The following LRRC7 variants were observed in gnomAD, a reference collection of about 807,000 sequenced individuals.
LRRC7 encodes the protein leucine rich repeat containing 7, also known as leucine-rich repeat-containing protein 7.
In LRRC7, 23 loss-of-function variants were observed where a neutral mutation model predicts 175.7. The ratio of observed to expected loss-of-function variants is 0.13; its 90% CI spans 0.09 to 0.19. LRRC7 has a LOEUF of 0.19. Ranked by LOEUF, LRRC7 falls within the 10% of genes least tolerant of loss-of-function variation. LRRC7 has a pLI of 1.00. For missense variants in LRRC7, 1,354 were observed against 1,904.7 expected, an observed-to-expected ratio of 0.71 and a Z score of 5.38; for synonymous variants, 685 against 680.9, an observed-to-expected ratio of 1.01 and a Z score of -0.09.
chr1:70,074,457 TA>T (rs1662627801), intron 23 of LRRC7, among the ~76,000 whole-genome samples: 1 of 152,192 alleles, frequency 6.6e-6, no homozygotes, highest in Non-Finnish European at 1.5e-5. Context: ...ATAGATACAA[TA>T]GAGAAATACA....
chr1:69,584,903 T>C lies in LRRC7; in HGVS notation c.2+16262T>C, dbSNP rs936144829. Among the ~76,000 whole-genome samples the C allele has an allele frequency of 1.4e-4, 21 of 152,136 alleles. 1 individual carries two copies. The highest frequency in any genetic ancestry group is 7.4e-5 in the Non-Finnish European group (5 of 68,014). On this transcript the variant is annotated intron_variant, in intron 1 of 26. Coordinates refer to ENST00000651989, the MANE Select transcript of LRRC7 (RefSeq NM_001370785.2). Reference sequence around the variant, plus strand: ...GGCCCTTTGCCTGTGTTGTTCTCATTAACTTCTCTTTTTACCTGGTTAACT... The same window carrying C: ...GGCCCTTTGCCTGTGTTGTTCTCATCAACTTCTCTTTTTACCTGGTTAACT...
chr1:69,766,507 T>A (rs567276916), intron 3 of LRRC7, among the ~76,000 whole-genome samples: 1 of 152,166 alleles, frequency 6.6e-6, no homozygotes, highest in East Asian at 1.9e-4. Flanking sequence ...TCAGAGTGGA[T>A]ACAACATTAG....
intron 8 of LRRC7, among the ~76,000 whole-genome samples, chr1:69,976,052 T>C (rs1424997523): frequency 1.3e-5 from 2 of 152,198 alleles, no homozygotes; most frequent in Non-Finnish European, 2.9e-5. Context: ...ATTCTACCTG[T>C]ATTGTGTCTA....
chr1:69,877,322 G>A lies in LRRC7; in HGVS notation c.647+39039G>A, dbSNP rs371335139. ...GCCACTCTGGGCCAAGTGTAGTGGT[G>A]TACACCTATAATCCCATTGCTTTGA... On this transcript the variant is annotated intron_variant, in intron 7 of 26. Coordinates refer to ENST00000651989, the MANE Select transcript of LRRC7 (RefSeq NM_001370785.2). Among the ~76,000 whole-genome samples the A allele has an allele frequency of 2.0e-5, 3 of 152,104 alleles. No individual in the cohort carries two copies. In the East Asian group the frequency reaches 5.8e-4, roughly 29 times the overall value.
At chr1:69,740,735 C>G (rs936070584) in intron 2 of LRRC7, among the ~76,000 whole-genome samples, 5 of 152,060 alleles carry the variant, frequency 3.3e-5, no homozygotes, top group African/African-American at 1.2e-4. Context: ...TACATCTCCA[C>G]TTGTTACAGT....
chr1:70,143,386 G>A lies in LRRC7; in HGVS notation c.*21499G>A, dbSNP rs540699328. The A allele has an allele frequency of 7.9e-5, 12 of 152,166 alleles. No individual in the cohort carries two copies. The highest frequency in any genetic ancestry group is 2.4e-4 in the African/African-American group (10 of 41,534). 9.4% of individuals were successfully genotyped at this position (152,166 alleles called of 1,614,324 possible). A position where few individuals can be genotyped will look rare whatever the true frequency, so the allele number is the denominator to read the frequency against. ...TTACAATATTCGACTGGTAAAGAAA[G>A]TGCTTCTTTATGACTTCTTTTGCAG... On this transcript the variant is annotated 3_prime_UTR_variant, in exon 27 of 27. Coordinates refer to ENST00000651989, the MANE Select transcript of LRRC7 (RefSeq NM_001370785.2).
chr1:70,028,570 C>T (rs1658373077), intron 18 of LRRC7, among the ~76,000 whole-genome samples, 199 bp downstream of exon 18: 1 of 152,082 alleles, frequency 6.6e-6, no homozygotes, highest in East Asian at 1.9e-4. Flanking sequence ...AAATCATTAA[C>T]ATAGCTCCAA....
At chr1:69,943,599 A>G (rs1648965292) in intron 8 of LRRC7, among the ~76,000 whole-genome samples, 1 of 152,110 alleles carries the variant, frequency 6.6e-6, no homozygotes, top group Non-Finnish European at 1.5e-5. Flanking sequence ...TATGAGTTAT[A>G]TTTCAATGTT....
At chr1:69,787,824 C>T (rs1044989082) in intron 3 of LRRC7, among the ~76,000 whole-genome samples, 1 of 152,084 alleles carries the variant, frequency 6.6e-6, no homozygotes, top group Non-Finnish European at 1.5e-5. Flanking sequence ...TACCTCCCAC[C>T]GGGTCCCTCC....
chr1:69,891,402 T>C (rs1298298626), intron 7 of LRRC7, among the ~76,000 whole-genome samples: 2 of 152,160 alleles, frequency 1.3e-5, no homozygotes, highest in African/African-American at 4.8e-5. Flanking sequence ...GGTTCATGGC[T>C]CCCCAAAACA....
chr1:69,801,971 A>T (rs1219815629), intron 4 of LRRC7, among the ~76,000 whole-genome samples: 12 of 150,782 alleles, frequency 8.0e-5, no homozygotes, highest in Admixed American at 7.9e-4. Flanking sequence ...TAATTTCATT[A>T]TTGACCAAAC....
intron 1 of LRRC7, among the ~76,000 whole-genome samples, chr1:69,620,515 A>C (rs998600986): frequency 1.3e-5 from 2 of 152,056 alleles, no homozygotes; most frequent in Admixed American, 1.3e-4. Context: ...GACACATACC[A>C]CTCTCATTTA....
intron 11 of LRRC7, among the ~76,000 whole-genome samples, chr1:69,996,854 T>G (rs1364296659): frequency 6.6e-6 from 1 of 152,048 alleles, no homozygotes; most frequent in African/African-American, 2.4e-5. Flanking sequence ...CTTTGTTCTT[T>G]TGGCTTAGGA....
chr1:69,862,762 G>A lies in LRRC7; in HGVS notation c.647+24479G>A, dbSNP rs1684495159. On this transcript the variant is annotated intron_variant, in intron 7 of 26. Transcript: ENST00000651989. The stretch of plus-strand genomic sequence containing the variant: ...GCGGAATGTACAGTTTTGTTACATA[G>A]TTATACGCATGCCATAGTGGTTTGC... 2.6e-5 allele frequency among the ~76,000 whole-genome samples: 4 copies of A among 151,934 alleles called. No individual in the cohort carries two copies. The South Asian group carries it at 8.3e-4, about 32-fold the overall frequency.
intron 1 of LRRC7, among the ~76,000 whole-genome samples, chr1:69,658,915 T>C (rs1657036843): frequency 6.6e-6 from 1 of 151,932 alleles, no homozygotes; most frequent in Admixed American, 6.6e-5. Flanking sequence ...TGATGACACA[T>C]ACTGAGGTTA....
chr1:69,805,922 C>T (rs1001210483), intron 4 of LRRC7, among the ~76,000 whole-genome samples: 10 of 151,998 alleles, frequency 6.6e-5, no homozygotes, highest in African/African-American at 2.2e-4. Flanking sequence ...TGAAATCTGT[C>T]TTGGGCTCTT....
chr1:69,807,523 T>A (rs1215925461), intron 4 of LRRC7, among the ~76,000 whole-genome samples: 1 of 152,132 alleles, frequency 6.6e-6, no homozygotes, highest in African/African-American at 2.4e-5. Flanking sequence ...CATTTGCTTG[T>A]CTGTAAAGGG....
rs1375321466 is a variant in LRRC7, at chr1:70,028,389, G to A, written c.1995+18G>A. On this transcript the variant is annotated intron_variant, in intron 18 of 26. Coordinates refer to ENST00000651989, the MANE Select transcript of LRRC7 (RefSeq NM_001370785.2). ...CAGTGGAGGTATTTGAAGGTTATTG[G>A]TAATTGCCAGTGTGGTTTGGATTTT... 2 of 1,606,938 alleles carry A rather than the reference G, an allele frequency of 1.2e-6. No homozygotes were observed. The highest frequency in any genetic ancestry group is 2.7e-5 in the African/African-American group (2 of 74,616).
At chr1:69,881,046 G>T (rs1686550038) in intron 7 of LRRC7, among the ~76,000 whole-genome samples, 1 of 152,150 alleles carries the variant, frequency 6.6e-6, no homozygotes, top group South Asian at 2.1e-4. Context: ...CCAAACATGT[G>T]CACATGGGAC....
Sources: gnomAD v4.1 joint callset for allele counts (sites outside exome capture counted in the v4.1 genomes callset) on GRCh38, gnomAD v4.1.1 for gene constraint, MANE v1.5 for transcripts, NCBI Gene and HGNC (gene_info 2026-07-23, HGNC 2026-07-21) for gene names.